Variants in GRID2 observed in about 807,000 individuals in gnomAD.
GRID2 encodes the protein glutamate receptor ionotropic, delta-2.
Under a neutral mutation model 114.8 loss-of-function variants are expected in GRID2, and 33 were observed. The ratio of observed to expected loss-of-function variants is 0.29; its 90% CI spans 0.22 to 0.38. GRID2 has a LOEUF of 0.38. Among genes scored for constraint, GRID2 ranks in the 10% least tolerant of loss-of-function variants. The pLI, the probability that GRID2 is intolerant of heterozygous loss-of-function variation, is 1.00. For missense variants in GRID2, 1,184 were observed against 1,257.7 expected (o/e 0.94, Z 0.89); for synonymous variants, 505 against 449.9 (o/e 1.12, Z -1.55).
intron 2 of GRID2, among the ~76,000 whole-genome samples, chr4:93,078,075 A>C (rs1352352808): frequency 6.6e-6 from 1 of 150,862 alleles, no homozygotes; most frequent in East Asian, 1.9e-4. Context: ...ACCTTGCACC[A>C]CTCTCTACCA....
chr4:92,345,764 C>A (rs980163386), intron 1 of GRID2, among the ~76,000 whole-genome samples: 2 of 152,154 alleles, frequency 1.3e-5, no homozygotes, highest in Admixed American at 6.5e-5. Context: ...GCCCCCAATA[C>A]TTTTTTGACC....
At chr4:93,588,896 AT>A (rs1737821084) in intron 13 of GRID2, among the ~76,000 whole-genome samples, 1 of 151,992 alleles carries the variant, frequency 6.6e-6, no homozygotes, top group Non-Finnish European at 1.5e-5. Flanking sequence ...CAGGTTCCTG[AT>A]TTTGCCATTT....
At chr4:93,163,292 G>A (rs1311843113) in intron 4 of GRID2, among the ~76,000 whole-genome samples, 2 of 146,846 alleles carry the variant, frequency 1.4e-5, no homozygotes, top group Admixed American at 1.4e-4. Context: ...AATATCAAGA[G>A]TGGTTATCTC....
chr4:92,877,491 A>G (rs1357407513), intron 2 of GRID2, among the ~76,000 whole-genome samples: 1 of 152,198 alleles, frequency 6.6e-6, no homozygotes, highest in Non-Finnish European at 1.5e-5. Context: ...AGGATGAGCG[A>G]GGCATCATTT....
intron 2 of GRID2, among the ~76,000 whole-genome samples, chr4:92,763,044 G>GT (rs1309161839): frequency 2.6e-5 from 4 of 152,302 alleles, no homozygotes; most frequent in South Asian, 2.1e-4. Context: ...TTTAAAAAGA[G>GT]TATCAGCCGA....
chr4:92,782,062 G>C (rs2149359116), intron 2 of GRID2, among the ~76,000 whole-genome samples: 1 of 152,018 alleles, frequency 6.6e-6, no homozygotes, highest in African/African-American at 2.4e-5. Context: ...CTGAAATAAT[G>C]AAAAGTACAT....
chr4:93,479,575 C>T (rs1580199524), intron 11 of GRID2, among the ~76,000 whole-genome samples: 2 of 152,092 alleles, frequency 1.3e-5, no homozygotes, highest in African/African-American at 4.8e-5. Context: ...GCCTGAGAAC[C>T]TGGGAGTGGG....
chr4:93,420,131 A>T (rs149181028), intron 9 of GRID2, among the ~76,000 whole-genome samples: 44 of 152,266 alleles, frequency 2.9e-4, no homozygotes, highest in African/African-American at 8.9e-4. Context: ...ATCTTCCATG[A>T]ATCCTCTTAC....
At chr4:92,842,425 C>T (rs1213605211) in intron 2 of GRID2, among the ~76,000 whole-genome samples, 1 of 152,058 alleles carries the variant, frequency 6.6e-6, no homozygotes, top group Non-Finnish European at 1.5e-5. Flanking sequence ...GGATGTTGAA[C>T]TCATCTATCT....
At chr4:92,410,359 A>G (rs1319418555) in intron 1 of GRID2, among the ~76,000 whole-genome samples, 2 of 152,244 alleles carry the variant, frequency 1.3e-5, no homozygotes, top group African/African-American at 4.8e-5. Flanking sequence ...GCTAAGAACT[A>G]TATTTTGAAC....
intron 13 of GRID2, among the ~76,000 whole-genome samples, chr4:93,566,788 C>CAA (rs200180299): frequency 6.9e-6 from 1 of 144,268 alleles, no homozygotes; most frequent in African/African-American, 2.5e-5. Flanking sequence ...AAACAAATGT[C>CAA]AAAAAAAAAA....
chr4:93,132,847 G>A (rs375803074), intron 4 of GRID2, among the ~76,000 whole-genome samples: 3 of 152,124 alleles, frequency 2.0e-5, no homozygotes, highest in African/African-American at 7.2e-5. Context: ...CTGTGAAAGC[G>A]CTCAACTGGT....
chr4:93,535,603 C>A (rs983000919), intron 13 of GRID2, among the ~76,000 whole-genome samples: 1 of 151,850 alleles, frequency 6.6e-6, no homozygotes, highest in African/African-American at 2.4e-5. Flanking sequence ...CACAGCTATG[C>A]AGTAATAACT....
chr4:93,128,732 TTTC>T (rs1734529931), intron 4 of GRID2, among the ~76,000 whole-genome samples: 1 of 152,186 alleles, frequency 6.6e-6, no homozygotes, highest in Non-Finnish European at 1.5e-5. Flanking sequence ...AAGTTTGCCT[TTTC>T]TGGGAGACCT....
chr4:93,524,811 A>G (rs868835986), intron 13 of GRID2, among the ~76,000 whole-genome samples: 13,152 of 47,152 alleles, frequency 0.28, 1,001 homozygotes, highest in Non-Finnish European at 0.3. Flanking sequence ...ATATATATAT[A>G]TATGTATGTA....
chr4:92,602,957 CAAAATGAAT>C (rs1560483550), intron 2 of GRID2, among the ~76,000 whole-genome samples: 1 of 152,034 alleles, frequency 6.6e-6, no homozygotes, highest in East Asian at 1.9e-4. Flanking sequence ...ACAATTGCTA[CAAAATGAAT>C]AAAATACCTT....
intron 1 of GRID2, among the ~76,000 whole-genome samples, chr4:93,795,029 A>G (rs1734768916): frequency 6.6e-6 from 1 of 152,246 alleles, no homozygotes; most frequent in African/African-American, 2.4e-5. Context: ...ACTAAGTTTC[A>G]CATTGAGTTT....
At chr4:92,395,394 A>G (rs1394204716) in intron 1 of GRID2, among the ~76,000 whole-genome samples, 2 of 151,714 alleles carry the variant, frequency 1.3e-5, no homozygotes, top group Non-Finnish European at 3.0e-5. Flanking sequence ...ACAGCCTTTT[A>G]AAAAAGGTTT....
intron 10 of GRID2, among the ~76,000 whole-genome samples, chr4:93,443,650 A>G (rs560343824): frequency 6.6e-6 from 1 of 152,120 alleles, no homozygotes; most frequent in South Asian, 2.1e-4. Flanking sequence ...GTTGCAGCAC[A>G]GCTGGCATAA....
Sources: allele counts gnomAD v4.1 joint callset (sites outside exome capture counted in the v4.1 genomes callset), GRCh38; gene constraint gnomAD v4.1.1; transcripts MANE v1.5; gene names NCBI Gene and HGNC (gene_info 2026-07-23, HGNC 2026-07-21).